The following ATP9A variants were observed in gnomAD, a reference collection of about 807,000 sequenced individuals.
ATP9A encodes probable phospholipid-transporting ATPase IIA.
A neutral mutation model predicts 144.1 loss-of-function variants in ATP9A; 52 were observed. That is an observed-to-expected ratio of 0.36 (90% CI 0.29 to 0.45). The LOEUF (loss-of-function observed/expected upper bound fraction) is 0.45. Among genes scored for constraint, ATP9A ranks in the 20% least tolerant of loss-of-function variants. ATP9A has a pLI of 1.00. For synonymous variants in ATP9A, 582 were observed against 557.4 expected, an observed-to-expected ratio of 1.04 and a Z score of -0.62; for missense variants, 947 against 1,392.7, an observed-to-expected ratio of 0.68 and a Z score of 5.09.
intron 8 of ATP9A, among the ~76,000 whole-genome samples, chr20:51,690,413 C>G (rs963499922): frequency 6.6e-6 from 1 of 151,922 alleles, no homozygotes; most frequent in Non-Finnish European, 1.5e-5. Context: ...GAGCAAGACT[C>G]CATCTCAAAA....
At chr20:51,620,613 T>G (rs542489025) in intron 19 of ATP9A, among the ~76,000 whole-genome samples, 2 of 152,160 alleles carry the variant, frequency 1.3e-5, no homozygotes, top group South Asian at 2.1e-4. Flanking sequence ...ACAGCCTTCC[T>G]GTTGATGTGA....
intron 14 of ATP9A, among the ~76,000 whole-genome samples, chr20:51,652,670 A>C (rs1282287684): frequency 6.6e-6 from 1 of 152,208 alleles, no homozygotes; most frequent in Non-Finnish European, 1.5e-5. Context: ...TAGTTTTTAG[A>C]AGGCTGATCA....
At chr20:51,719,258 C>A (rs745898145) in intron 3 of ATP9A, among the ~76,000 whole-genome samples, 1 of 152,050 alleles carries the variant, frequency 6.6e-6, no homozygotes, top group Non-Finnish European at 1.5e-5. Context: ...TCACCTTCAA[C>A]AAGAGCAGAG....
rs182448772 is a variant in ATP9A at position 51,679,695 on chromosome 20, G to A, written c.800-3487C>T. On this transcript the variant is annotated intron_variant, in intron 9 of 27. Coordinates refer to ENST00000338821, the MANE Select transcript of ATP9A (RefSeq NM_006045.3). ...CAGTGTCCATCTGGTTTCTCCAAAA[G>A]GCCAAGAGGTCATGGTCAGGCATTT... Among the ~76,000 whole-genome samples the A allele has an allele frequency of 2.3e-3, 347 of 152,224 alleles. 2 individuals carry two copies. The highest frequency in any genetic ancestry group is 8.1e-3 in the African/African-American group (336 of 41,530).
chr20:51,767,354 T>C (rs1283846526), intron 1 of ATP9A, among the ~76,000 whole-genome samples: 1 of 152,148 alleles, frequency 6.6e-6, no homozygotes, highest in East Asian at 1.9e-4. Flanking sequence ...TTGGCGGGTC[T>C]AGGCGGGGGC....
chr20:51,652,912 A>T (rs369638297), intron 14 of ATP9A, among the ~76,000 whole-genome samples: 9 of 151,992 alleles, frequency 5.9e-5, no homozygotes, highest in South Asian at 4.1e-4. Context: ...ATCGAGACCA[A>T]CCTGGCTAAC....
At chr20:51,609,473 C>T (rs1009155374) in intron 24 of ATP9A, among the ~76,000 whole-genome samples, 4 of 152,116 alleles carry the variant, frequency 2.6e-5, no homozygotes, top group African/African-American at 7.2e-5. Flanking sequence ...CTAGGGCACT[C>T]GGTAACCAAA....
chr20:51,666,691 A>G (rs1262225388), intron 13 of ATP9A, among the ~76,000 whole-genome samples: 2 of 151,690 alleles, frequency 1.3e-5, no homozygotes, highest in Non-Finnish European at 2.9e-5. Context: ...AAAAAAAAAA[A>G]AAAAGAAAGA....
In ATP9A at chr20:51,616,096, G is replaced by A. The variant is rs368916661; in HGVS notation, c.2415+1394C>T. Among the ~76,000 whole-genome samples the A allele has an allele frequency of 1.1e-4, 17 of 152,192 alleles. 2 individuals are homozygous for A. Among genetic ancestry groups the A allele is most frequent in the East Asian group, 3.9e-4 (2 of 5,190 alleles). ...CATGCTTCTTAAAAACTGTATTCAG[G>A]GAATCTATACAGACTTCTGATATAT... On this transcript the variant is annotated intron_variant, in intron 22 of 27. Transcript: ENST00000338821.
intron 13 of ATP9A, among the ~76,000 whole-genome samples, chr20:51,668,933 C>G (rs1208357301): frequency 6.6e-6 from 1 of 152,220 alleles, no homozygotes; most frequent in Non-Finnish European, 1.5e-5. Flanking sequence ...AAGAAGTATT[C>G]AGGGATTCTG....
At position 51,597,867 on chromosome 20, in the gene ATP9A, G is replaced by T. The variant is rs2077125681; in HGVS notation, c.*3344C>A. 1 of 150,376 alleles carries T rather than the reference G, an allele frequency of 6.6e-6. No individual in the cohort carries two copies. Among genetic ancestry groups the T allele is most frequent in the Non-Finnish European group, 1.5e-5 (1 of 67,540 alleles). 9.3% of individuals were successfully genotyped at this position (150,376 alleles called of 1,614,324 possible). A position where few individuals can be genotyped will look rare whatever the true frequency, so the allele number is the denominator to read the frequency against. On this transcript the variant is annotated 3_prime_UTR_variant, in exon 28 of 28. Coordinates refer to ENST00000338821, the MANE Select transcript of ATP9A (RefSeq NM_006045.3). ...GAGGAAATGTTCATAAAGAGACAAT[G>T]ATTTTTAAGATTTACTGTCACAAAA... is the stretch of plus-strand genomic sequence containing the variant.
chr20:51,634,017 A>C (rs2077280699), intron 15 of ATP9A, among the ~76,000 whole-genome samples: 1 of 152,014 alleles, frequency 6.6e-6, no homozygotes, highest in African/African-American at 2.4e-5. Flanking sequence ...ATAACCTGGG[A>C]AGGGGGGCAT....
At chr20:51,698,661 G>A (rs1392124152) in intron 4 of ATP9A, among the ~76,000 whole-genome samples, 1 of 152,210 alleles carries the variant, frequency 6.6e-6, no homozygotes, top group African/African-American at 2.4e-5. Context: ...AGGGGTGGCT[G>A]TCAACAAACT....
intron 18 of ATP9A, among the ~76,000 whole-genome samples, chr20:51,622,608 C>T (rs750087428): frequency 1.3e-5 from 2 of 152,174 alleles, no homozygotes; most frequent in Non-Finnish European, 2.9e-5. Flanking sequence ...AAGACAGACC[C>T]TTCTGGGGTT....
Position 51,625,287 on chromosome 20 carries a change from T to A in ATP9A, c.1921A>T (p.Met641Leu), listed in dbSNP as rs2077243541. The A allele has an allele frequency of 6.2e-7, 1 of 1,614,126 alleles. No homozygotes were observed. The highest frequency in any genetic ancestry group is 2.2e-5 in the East Asian group (1 of 44,874). The stretch of plus-strand genomic sequence containing the variant: ...GTCAGGCACAGCAGTTCCATCTCCA[T>A]CTCCAGGCTCTCGATCACCGTGGCC... ...KVATVIESLE[M>L]EMELLCLTGV... The change falls in exon 18 of 28, where the codon ATG (methionine) becomes TTG (leucine). Residue 641 changes from methionine to leucine, a missense_variant. Physicochemically the swap from Met to Leu is conservative, Grantham distance 15. Around this residue, in one of 2 missense-constraint regions of ATP9A, gnomAD observed 770 missense variants for 1,047.9 expected, o/e 0.73. Coordinates refer to ENST00000338821, the MANE Select transcript of ATP9A (RefSeq NM_006045.3).
chr20:51,648,207 CA>C (rs1235179816), intron 14 of ATP9A, among the ~76,000 whole-genome samples: 8 of 152,238 alleles, frequency 5.3e-5, no homozygotes, highest in Non-Finnish European at 1.0e-4. Flanking sequence ...TCTTATGGTT[CA>C]CCAAGAATGT....
intron 4 of ATP9A, among the ~76,000 whole-genome samples, chr20:51,710,024 G>A (rs1012815656): frequency 6.6e-6 from 1 of 152,038 alleles, no homozygotes; most frequent in Admixed American, 6.6e-5. Flanking sequence ...ATGTGAGGCC[G>A]GGCACAGTGG....
At chr20:51,702,039 C>G (rs2077595457) in intron 4 of ATP9A, among the ~76,000 whole-genome samples, 1 of 152,048 alleles carries the variant, frequency 6.6e-6, no homozygotes, top group Admixed American at 6.6e-5. Context: ...GTGGCTCATG[C>G]CTGTAATCCC....
chr20:51,625,222 C>T lies in ATP9A; in HGVS notation c.1986G>A (p.Thr662=), dbSNP rs778649378. ...TGCCAGCATTCCTCAGGGTCTCCAGCGTGGGCCGCACATCTGCCTGCAGCT... is the reference window on the plus strand; with the variant it reads ...TGCCAGCATTCCTCAGGGTCTCCAGTGTGGGCCGCACATCTGCCTGCAGCT... ...EDQLQADVRP[T]LETLRNAGIK... The change falls in exon 18 of 28, where the codon ACG becomes ACA. Residue 662 remains threonine, a synonymous_variant. Transcript: ENST00000338821. 10 of 1,613,476 alleles carry T rather than the reference C, an allele frequency of 6.2e-6. No homozygotes were observed. The highest frequency in any genetic ancestry group is 1.3e-5 in the African/African-American group (1 of 74,920).
Sources: allele counts gnomAD v4.1 joint callset (sites outside exome capture counted in the v4.1 genomes callset), GRCh38; gene constraint gnomAD v4.1.1; regional missense constraint gnomAD v4.1.1; transcripts MANE v1.5; gene names NCBI Gene and HGNC (gene_info 2026-07-23, HGNC 2026-07-21).